Variants in GLOD4 observed in about 807,000 individuals in gnomAD.
The protein encoded by GLOD4 is glyoxalase domain containing 4.
GLOD4 carries 44 observed loss-of-function variants against 39.1 expected under a neutral mutation model. The ratio of observed to expected loss-of-function variants is 1.13; its 90% CI spans 0.88 to 1.45. The LOEUF (loss-of-function observed/expected upper bound fraction) is 1.45. Among genes scored for constraint, GLOD4 ranks in the 40% most tolerant of loss-of-function variants. The pLI, the probability that GLOD4 is intolerant of heterozygous loss-of-function variation, is 0.00. For missense variants in GLOD4, 405 were observed against 366.4 expected, an observed-to-expected ratio of 1.11 and a Z score of -0.86; for synonymous variants, 145 against 135.0, an observed-to-expected ratio of 1.07 and a Z score of -0.52.
rs149668309 is a variant in GLOD4 at position 780,965 on chromosome 17, G to T, written c.90+1201C>A. ...GACGGAGTTTTGCTTTCGTCATCCA[G>T]GCTGGAACACAATGGTGCGATCTCG... On this transcript the variant is annotated intron_variant, in intron 1 of 8. Transcript: ENST00000301329. Among the ~76,000 whole-genome samples the T allele has an allele frequency of 3.6e-5, 5 of 140,256 alleles. No individual in the cohort carries two copies. In the East Asian group the frequency reaches 1.0e-3, roughly 29 times the overall value. The allele number at this position is 140,256 out of a possible 152,430, so 92.0% of individuals were successfully genotyped here. A position where few individuals can be genotyped will look rare whatever the true frequency, so the allele number is the denominator to read the frequency against.
chr17:774,734 G>A (rs1908598053), intron 4 of GLOD4, among the ~76,000 whole-genome samples: 1 of 152,110 alleles, frequency 6.6e-6, no homozygotes, highest in South Asian at 2.1e-4. Context: ...CAGGAAGTTT[G>A]CTGGAAGATT....
At chr17:773,536 T>C (rs1342694468) in intron 4 of GLOD4, among the ~76,000 whole-genome samples, 1 of 152,074 alleles carries the variant, frequency 6.6e-6, no homozygotes, top group Non-Finnish European at 1.5e-5. Context: ...TCAGCTTCTC[T>C]GCTTGTCTAA....
chr17:765,567 C>T (rs1567789116), intron 8 of GLOD4, among the ~76,000 whole-genome samples: 1 of 150,794 alleles, frequency 6.6e-6, no homozygotes, highest in Non-Finnish European at 1.5e-5. Context: ...CAGTGGCTCA[C>T]GCCTATAATC....
Position 782,231 on chromosome 17 carries a change from A to C in GLOD4, c.25T>G (p.Phe9Val). MAARRALH[F>V]VFKVGNRFQT... is the part of the protein sequence containing the mutation. Reference sequence around the variant, plus strand: ...AAGCGGTTTCCCACTTTGAATACGAAGTGCAGAGCTCTGCGAGCAGCCATG... The same window carrying C: ...AAGCGGTTTCCCACTTTGAATACGACGTGCAGAGCTCTGCGAGCAGCCATG... The change falls in exon 1 of 9, where the codon TTC becomes GTC. Residue 9 changes from phenylalanine to valine, a missense_variant. Transcript: ENST00000301329. 6.2e-7 allele frequency: 1 copy of C among 1,613,518 alleles called. No homozygotes were observed. Among genetic ancestry groups the C allele is most frequent in the African/African-American group, 1.3e-5 (1 of 75,034 alleles).
intron 8 of GLOD4, among the ~76,000 whole-genome samples, chr17:761,417 A>G (rs371345269): frequency 6.6e-6 from 1 of 152,232 alleles, no homozygotes; most frequent in Admixed American, 6.5e-5. Context: ...TAAAAAAACC[A>G]CAAGTCACAA....
At chr17:784,600 ACTT>A (rs779786699), upstream of GLOD4, among the ~76,000 whole-genome samples, 4 of 152,004 alleles carry the variant, frequency 2.6e-5, no homozygotes, top group Non-Finnish European at 5.9e-5. Context: ...CCCATCTTGA[ACTT>A]CATCATCATA....
At chr17:778,364 A>C (rs1444163196) in intron 2 of GLOD4, 12 of 437,266 alleles carry the variant, frequency 2.7e-5, no homozygotes, top group Admixed American at 4.2e-5. Flanking sequence ...GTAGAGTCAG[A>C]ATCAATTAAA....
chr17:775,844 C>T lies in GLOD4; in HGVS notation c.337G>A (p.Gly113Ser). 1.9e-6 allele frequency: 3 copies of T among 1,613,706 alleles called. No homozygotes were observed. The highest frequency in any genetic ancestry group is 2.5e-6 in the Non-Finnish European group (3 of 1,179,590). The change falls in exon 4 of 9, where the codon GGT becomes AGT. Residue 113 changes from glycine to serine, a missense_variant. Transcript: ENST00000301329. ...CCCGGGGCCTCGGTTTCAAAAACAC[C>T]TTCTGCAACTTCCGTCAGTGGCCAC... Reference protein sequence around the residue: ...LEWPLTEVAEGVFETEAPGGY... With the variant: ...LEWPLTEVAESVFETEAPGGY...
At chr17:782,462 C>T (rs780100937), upstream of GLOD4, 2 of 1,613,930 alleles carry the variant, frequency 1.2e-6, no homozygotes, top group South Asian at 2.2e-5. Flanking sequence ...ACGCGAGGCG[C>T]TGGGTCCGGG....
chr17:761,600 G>A (rs1037036833), intron 8 of GLOD4, among the ~76,000 whole-genome samples: 5 of 152,206 alleles, frequency 3.3e-5, no homozygotes, highest in African/African-American at 1.2e-4. Flanking sequence ...TGCCTTCTGG[G>A]TTCAAGTGAT....
At chr17:775,158 C>G (rs889501178) in intron 4 of GLOD4, among the ~76,000 whole-genome samples, 2 of 150,206 alleles carry the variant, frequency 1.3e-5, no homozygotes, top group African/African-American at 4.9e-5. Context: ...ATAATCCCAG[C>G]TACTTGGGAG....
At chr17:763,974 C>T (rs572684391) in intron 8 of GLOD4, 4 of 152,206 alleles carry the variant, frequency 2.6e-5, no homozygotes, top group African/African-American at 9.7e-5. Flanking sequence ...AACTACAGTA[C>T]AGAGTCAAGG....
chr17:783,092 G>T, upstream of GLOD4: 1 of 1,611,344 alleles, frequency 6.2e-7, no homozygotes, highest in South Asian at 1.1e-5. Flanking sequence ...GCAGTGTAAT[G>T]ACAATAGTAA....
At chr17:780,455 T>C (rs1445207055) in intron 1 of GLOD4, among the ~76,000 whole-genome samples, 1 of 152,242 alleles carries the variant, frequency 6.6e-6, no homozygotes, top group Non-Finnish European at 1.5e-5. Context: ...CGCAAACATG[T>C]GCCATCTCCG....
chr17:760,915 C>T (rs1195820748), intron 8 of GLOD4, among the ~76,000 whole-genome samples: 4 of 152,062 alleles, frequency 2.6e-5, no homozygotes, highest in Non-Finnish European at 5.9e-5. Flanking sequence ...AGTGGGACCC[C>T]GTCTCATATA....
At chr17:775,217 GCAGAGATCATGCCAGTACACTCCA>G (rs1908691600) in intron 4 of GLOD4, among the ~76,000 whole-genome samples, 1 of 151,624 alleles carries the variant, frequency 6.6e-6, no homozygotes, top group Non-Finnish European at 1.5e-5. Flanking sequence ...GTTGCAGTGA[GCAGAGATCATGCCAGTACACTCCA>G]GCCGGACTGA....
intron 6 of GLOD4, 74 bp downstream of exon 6, chr17:770,347 A>C (rs1460099654): frequency 1.2e-6 from 1 of 838,768 alleles, no homozygotes; most frequent in East Asian, 2.4e-5. Flanking sequence ...GACCTCAAGA[A>C]GGGAAGGACA....
At chr17:771,526 A>G in intron 4 of GLOD4, 65 bp from the exon 5 acceptor site, 4 of 861,024 alleles carry the variant, frequency 4.6e-6, no homozygotes, top group Non-Finnish European at 7.0e-6. Context: ...AGACCAAAAC[A>G]TGCGCATGTA....
chr17:773,636 T>C (rs1880713085), intron 4 of GLOD4, among the ~76,000 whole-genome samples: 1 of 152,198 alleles, frequency 6.6e-6, no homozygotes, highest in Admixed American at 6.5e-5. Flanking sequence ...AAAGTGACTT[T>C]CTAAAGAGCT....
Sources: allele counts gnomAD v4.1 joint callset (sites outside exome capture counted in the v4.1 genomes callset), GRCh38; gene constraint gnomAD v4.1.1; transcripts MANE v1.5; gene names NCBI Gene and HGNC (gene_info 2026-07-23, HGNC 2026-07-21).